The following RERG variants were observed in gnomAD, a reference collection of about 807,000 sequenced individuals.
The protein encoded by RERG is ras-related and estrogen-regulated growth inhibitor.
A neutral mutation model predicts 23.2 loss-of-function variants in RERG; 25 were observed. The ratio of observed to expected loss-of-function variants is 1.08; its 90% CI spans 0.79 to 1.50. The LOEUF (loss-of-function observed/expected upper bound fraction) is 1.50. RERG is among the 40% of genes most tolerant of loss of function. The pLI is 0.00. For missense variants in RERG, 253 were observed against 250.1 expected (o/e 1.01, Z -0.08); for synonymous variants, 81 against 89.1 (o/e 0.91, Z 0.51).
chr12:15,171,711 A>G (rs1434573465), intron 2 of RERG, among the ~76,000 whole-genome samples: 2 of 152,222 alleles, frequency 1.3e-5, no homozygotes, highest in African/African-American at 4.8e-5. Flanking sequence ...AATAAAATTA[A>G]AACATTCCAT....
At chr12:15,162,045 A>G (rs1306941126) in intron 2 of RERG, among the ~76,000 whole-genome samples, 4 of 152,242 alleles carry the variant, frequency 2.6e-5, no homozygotes, top group Non-Finnish European at 5.9e-5. Context: ...TAGTGGTAGG[A>G]ACGGAAATTT....
chr12:15,123,851 T>C (rs1863886448), intron 2 of RERG, among the ~76,000 whole-genome samples: 1 of 152,192 alleles, frequency 6.6e-6, no homozygotes, highest in East Asian at 1.9e-4. Context: ...CATATTTGAT[T>C]AGTAGTTACT....
intron 2 of RERG, among the ~76,000 whole-genome samples, chr12:15,124,158 A>C (rs896636639): frequency 1.3e-5 from 2 of 152,170 alleles, no homozygotes; most frequent in African/African-American, 4.8e-5. Flanking sequence ...TAATGTAATC[A>C]TTCAGTGGCA....
At chr12:15,133,730 T>TG (rs1555122014) in intron 2 of RERG, among the ~76,000 whole-genome samples, 9 of 151,476 alleles carry the variant, frequency 5.9e-5, no homozygotes, top group Admixed American at 6.6e-5. Flanking sequence ...GAGAGGTTTT[T>TG]TTTTTTTTTT....
rs1864959000 is a variant in RERG at position 15,184,012 on chromosome 12, A to C, written c.61+33417T>G. ...AAAGTAAAACGTGTGATGCGAATTTATGGAAATGCATTCTACATCCCTGTC... is the reference window on the plus strand; with the variant it reads ...AAAGTAAAACGTGTGATGCGAATTTCTGGAAATGCATTCTACATCCCTGTC... On this transcript the variant is annotated intron_variant, in intron 2 of 4. Coordinates refer to ENST00000256953, the MANE Select transcript of RERG (RefSeq NM_032918.3). 2.0e-5 allele frequency among the ~76,000 whole-genome samples: 3 copies of C among 152,196 alleles called. No homozygotes were observed. In the South Asian group the frequency reaches 6.2e-4, roughly 31 times the overall value.
At chr12:15,110,356 C>G (rs1326663519) in intron 4 of RERG, among the ~76,000 whole-genome samples, 1 of 150,802 alleles carries the variant, frequency 6.6e-6, no homozygotes, top group Non-Finnish European at 1.5e-5. Context: ...TTTCAAGAAC[C>G]TTTCTGGGTT....
Position 15,133,144 on chromosome 12 carries a change from G to GATAT in RERG, c.62-12026_62-12025insATAT, listed in dbSNP as rs1491335287. Among the ~76,000 whole-genome samples, 110 of 59,216 alleles carry GATAT rather than the reference G, an allele frequency of 1.9e-3. No homozygotes were observed. In the East Asian group the frequency reaches 0.028, roughly 15 times the overall value. The allele number at this position is 59,216 out of a possible 152,430, so 38.8% of individuals were successfully genotyped here. ...CACTCTTGGGGTTGTATATCCTGTGGAGATATATATATATATATATATATA... is the reference window on the plus strand; with the variant it reads ...CACTCTTGGGGTTGTATATCCTGTGGATATAGATATATATATATATATATATATA... On this transcript the variant is annotated intron_variant, in intron 2 of 4. Transcript: ENST00000256953.
chr12:15,113,144 G>C (rs1178511991), intron 3 of RERG, among the ~76,000 whole-genome samples: 2 of 152,112 alleles, frequency 1.3e-5, no homozygotes, highest in African/African-American at 2.4e-5. Flanking sequence ...GTGAAGATGG[G>C]GGAAAAGGCC....
rs182381022 is a variant in RERG, at chr12:15,111,180, G to C, written c.192+164C>G. On this transcript the variant is annotated intron_variant, in intron 4 of 4. Transcript: ENST00000256953. ...CAGTTTATATAAGGATGAATATACA[G>C]ATATTTACAAATATGTTAATATATA... 3.3e-3 allele frequency: 1,826 copies of C among 560,280 alleles called. 31 individuals carry two copies. Among genetic ancestry groups the C allele is most frequent in the African/African-American group, 0.032 (1,710 of 52,806 alleles). 34.7% of individuals were successfully genotyped at this position (560,280 alleles called of 1,614,324 possible).
chr12:15,212,719 G>C (rs1865385782), intron 2 of RERG, among the ~76,000 whole-genome samples: 1 of 152,060 alleles, frequency 6.6e-6, no homozygotes, highest in Non-Finnish European at 1.5e-5. Context: ...ACCTACCCAA[G>C]ATGCGACTGA....
rs980865932 is a variant in RERG, at chr12:15,221,225, C to G, written c.-145G>C. The G allele has an allele frequency of 2.6e-5, 4 of 152,336 alleles. No individual in the cohort carries two copies. Among genetic ancestry groups the G allele is most frequent in the African/African-American group, 9.6e-5 (4 of 41,464 alleles). 9.4% of individuals were successfully genotyped at this position (152,336 alleles called of 1,614,324 possible). ...CACACTCTCCAGGCCAGGAGAGCTA[C>G]GGTCCTCTGCAAGTTCGGAATGGGT... On this transcript the variant is annotated 5_prime_UTR_variant, in exon 1 of 5. Transcript: ENST00000256953.
intron 2 of RERG, among the ~76,000 whole-genome samples, chr12:15,191,618 C>T (rs950425770): frequency 6.6e-6 from 1 of 152,168 alleles, no homozygotes; most frequent in Non-Finnish European, 1.5e-5. Context: ...CTCCATGATC[C>T]AGCCAAGTTA....
At chr12:15,144,823 A>T (rs933240739) in intron 2 of RERG, among the ~76,000 whole-genome samples, 8 of 152,254 alleles carry the variant, frequency 5.3e-5, no homozygotes, top group African/African-American at 1.9e-4. Context: ...GAATCACACA[A>T]ATCTAATGAT....
chr12:15,212,093 C>A (rs1865375510), intron 2 of RERG, among the ~76,000 whole-genome samples: 1 of 127,866 alleles, frequency 7.8e-6, no homozygotes, highest in South Asian at 2.7e-4. Context: ...CGCTCTGTCG[C>A]CCAGGCCGGA....
intron 2 of RERG, among the ~76,000 whole-genome samples, chr12:15,125,051 C>T (rs1184542920): frequency 6.6e-6 from 1 of 151,836 alleles, no homozygotes; most frequent in Non-Finnish European, 1.5e-5. Flanking sequence ...TGATTTATAT[C>T]ATTTTCATTC....
intron 2 of RERG, among the ~76,000 whole-genome samples, chr12:15,179,285 G>A (rs538867041): frequency 2.6e-5 from 4 of 152,238 alleles, no homozygotes; most frequent in African/African-American, 7.2e-5. Flanking sequence ...TGTTATCAGA[G>A]TCACTTTCTG....
intron 1 of RERG, among the ~76,000 whole-genome samples, chr12:15,218,549 T>C (rs1021162453): frequency 6.6e-6 from 1 of 152,178 alleles, no homozygotes; most frequent in African/African-American, 2.4e-5. Flanking sequence ...GGCTCATTAC[T>C]TCTGAAAGCT....
chr12:15,209,178 A>G (rs563035217), intron 2 of RERG, among the ~76,000 whole-genome samples: 1 of 152,320 alleles, frequency 6.6e-6, no homozygotes, highest in African/African-American at 2.4e-5. Context: ...ATGTTAAGGA[A>G]CATAAGGGGA....
intron 2 of RERG, among the ~76,000 whole-genome samples, chr12:15,161,136 G>GA (rs1336041872): frequency 1.3e-4 from 7 of 51,962 alleles, no homozygotes; most frequent in South Asian, 7.6e-4. Context: ...CTCCATCTCA[G>GA]AAAAAGAAAG....
Sources: allele counts gnomAD v4.1 joint callset (sites outside exome capture counted in the v4.1 genomes callset), GRCh38; gene constraint gnomAD v4.1.1; transcripts MANE v1.5; gene names NCBI Gene and HGNC (gene_info 2026-07-23, HGNC 2026-07-21).